HACD3: variants seen among roughly 807,000 people sequenced by gnomAD.
HACD3 encodes the protein very-long-chain (3R)-3-hydroxyacyl-CoA dehydratase 3.
HACD3 carries 30 observed loss-of-function variants against 55.2 expected under a neutral mutation model. The observed-to-expected ratio is 0.54, with a 90% CI of 0.41 to 0.74. The LOEUF is 0.74. Among genes scored for constraint, HACD3 ranks in the 30% least tolerant of loss-of-function variants. HACD3 has a pLI of 0.00. For synonymous variants in HACD3, 141 were observed against 151.7 expected (o/e 0.93, Z 0.52); for missense variants, 363 against 440.1 (o/e 0.82, Z 1.57).
At chr15:65,530,868 C>G in intron 1 of HACD3, 150 bp downstream of exon 1, 1 of 727,224 alleles carries the variant, frequency 1.4e-6, no homozygotes, top group Non-Finnish European at 2.1e-6. Flanking sequence ...CGTGCTGGCG[C>G]TTTTCGAGGC....
chr15:65,555,801 G>T (rs1040360349), intron 3 of HACD3, among the ~76,000 whole-genome samples: 1 of 152,150 alleles, frequency 6.6e-6, no homozygotes, highest in Non-Finnish European at 1.5e-5. Context: ...CTTGATGCAG[G>T]TGTTTCTAAA....
intron 1 of HACD3, among the ~76,000 whole-genome samples, chr15:65,542,359 G>T (rs1246949764): frequency 2.0e-5 from 3 of 151,948 alleles, no homozygotes; most frequent in Non-Finnish European, 4.4e-5. Context: ...CACCTCTCAG[G>T]CCCAAGTGAA....
At chr15:65,567,636 A>G (rs1178392995) in intron 7 of HACD3, among the ~76,000 whole-genome samples, 2 of 152,258 alleles carry the variant, frequency 1.3e-5, no homozygotes, top group Non-Finnish European at 2.9e-5. Flanking sequence ...AAAATGTGCA[A>G]GCAACCCAAG....
Position 65,537,949 on chromosome 15 carries a change from AAAAAAAAAAATATATATATATATATATAT to A in HACD3, c.87+7233_87+7261del, listed in dbSNP as rs1174920917. Among the ~76,000 whole-genome samples the A allele has an allele frequency of 2.2e-3, 128 of 57,056 alleles. 5 individuals are homozygous for A. The highest frequency in any genetic ancestry group is 6.9e-3 in the African/African-American group (92 of 13,394). The allele number at this position is 57,056 out of a possible 152,430, so 37.4% of individuals were successfully genotyped here. The stretch of plus-strand genomic sequence containing the variant: ...CAACTTCTCAGAAAAAAAAAAAAAA[AAAAAAAAAAATATATATATATATATATAT>A]ATATATATATATATATATATATGTA... On this transcript the variant is annotated intron_variant, in intron 1 of 10. Coordinates refer to ENST00000261875, the MANE Select transcript of HACD3 (RefSeq NM_016395.4).
At chr15:65,559,402 T>A (rs1317264609) in intron 5 of HACD3, among the ~76,000 whole-genome samples, 3 of 151,818 alleles carry the variant, frequency 2.0e-5, no homozygotes, top group African/African-American at 7.3e-5. Context: ...ACTGCAGGTG[T>A]ATGTAAAACT....
chr15:65,536,612 C>T (rs2071957737), intron 1 of HACD3, among the ~76,000 whole-genome samples: 1 of 152,054 alleles, frequency 6.6e-6, no homozygotes, highest in Non-Finnish European at 1.5e-5. Context: ...CAAAAATTAG[C>T]TAGGTGTGGT....
chr15:65,533,758 A>AG (rs2071926557), intron 1 of HACD3, among the ~76,000 whole-genome samples: 2 of 149,690 alleles, frequency 1.3e-5, no homozygotes, highest in African/African-American at 2.4e-5. Context: ...AAAAAAAAAA[A>AG]GAAAGAAAAG....
Position 65,562,863 on chromosome 15 carries a change from C to T in HACD3, c.511C>T (p.Arg171Ter), listed in dbSNP as rs762177740. 4 of 1,613,702 alleles carry T rather than the reference C, an allele frequency of 2.5e-6. No homozygotes were observed. Among genetic ancestry groups the T allele is most frequent in the South Asian group, 1.1e-5 (1 of 91,042 alleles). The change falls in exon 6 of 11, where the codon CGA becomes TGA. Residue 171 changes from arginine (R) to a stop codon, truncating the protein, a stop_gained. Coordinates refer to ENST00000261875, the MANE Select transcript of HACD3 (RefSeq NM_016395.4). LOFTEE classifies it high-confidence loss of function. ...FSWIFVNLTVRFCILGKESFY... is the reference protein window; with the variant it reads ...FSWIFVNLTV ...CTGGATCTTTGTCAACCTGACTGTGCGATTCTGTATCTTGGGAAAAGGCAA... is the reference window on the plus strand; with the variant it reads ...CTGGATCTTTGTCAACCTGACTGTGTGATTCTGTATCTTGGGAAAAGGCAA...
intron 2 of HACD3, chr15:65,553,090 G>C (rs1056224052): frequency 5.3e-5 from 8 of 152,036 alleles, no homozygotes; most frequent in Non-Finnish European, 1.2e-4. Context: ...TAAAAATATG[G>C]AACGCTTCAC....
intron 2 of HACD3, among the ~76,000 whole-genome samples, chr15:65,552,925 G>A (rs1276033981): frequency 6.7e-6 from 1 of 148,194 alleles, no homozygotes; most frequent in East Asian, 2.0e-4. Context: ...TCCCACCTAT[G>A]AGTGAGAATA....
chr15:65,557,252 G>A lies in HACD3; in HGVS notation c.369+349G>A, dbSNP rs184076345. Among the ~76,000 whole-genome samples, 121 of 152,286 alleles carry A rather than the reference G, an allele frequency of 7.9e-4. 1 individual carries two copies. The highest frequency in any genetic ancestry group is 1.3e-3 in the Non-Finnish European group (87 of 68,020). ...GCACTTTGGGAGGCCAAGGTGCGTGGATCACGAGGTCAGGAGATAGAGACC... is the reference window on the plus strand; with the variant it reads ...GCACTTTGGGAGGCCAAGGTGCGTGAATCACGAGGTCAGGAGATAGAGACC... On this transcript the variant is annotated intron_variant, in intron 4 of 10. Coordinates refer to ENST00000261875, the MANE Select transcript of HACD3 (RefSeq NM_016395.4).
rs2072407156 is a variant in HACD3 at position 65,576,889 on chromosome 15, T to C, written c.*510T>C. On this transcript the variant is annotated 3_prime_UTR_variant, in exon 11 of 11. Coordinates refer to ENST00000261875, the MANE Select transcript of HACD3 (RefSeq NM_016395.4). ...TTGACTTTTTGAAAATCAAGTGGAC[T>C]GAGTCATTGATAAAACATTTCTAAG... The C allele has an allele frequency of 6.5e-6, 1 of 154,226 alleles. No individual in the cohort carries two copies. The highest frequency in any genetic ancestry group is 1.4e-5 in the Non-Finnish European group (1 of 69,436). 9.6% of individuals were successfully genotyped at this position (154,226 alleles called of 1,614,324 possible). A position where few individuals can be genotyped will look rare whatever the true frequency, so the allele number is the denominator to read the frequency against.
chr15:65,555,777 A>C (rs2072183040), intron 3 of HACD3, among the ~76,000 whole-genome samples: 1 of 152,180 alleles, frequency 6.6e-6, no homozygotes, highest in Non-Finnish European at 1.5e-5. Context: ...TAACTGATCC[A>C]ATACAGTTCT....
rs181795203 is a variant in HACD3, at chr15:65,571,420, C to T, written c.774-128C>T. On this transcript the variant is annotated intron_variant, in intron 8 of 10. Transcript: ENST00000261875. ...CAGGAGTTTATGGGTTGATAGCCAG[C>T]GTTATAATTCTGTTCTGAAGAAGCC... 2.7e-4 allele frequency: 173 copies of T among 649,532 alleles called. 1 individual carries two copies. In the East Asian group the frequency reaches 4.6e-3, roughly 17 times the overall value. The allele number at this position is 649,532 out of a possible 1,614,324, so 40.2% of individuals were successfully genotyped here.
intron 10 of HACD3, among the ~76,000 whole-genome samples, chr15:65,575,761 G>C (rs1167502814): frequency 6.6e-6 from 1 of 152,148 alleles, no homozygotes; most frequent in Non-Finnish European, 1.5e-5. Flanking sequence ...TTAATCTTTT[G>C]CGTGTTTGAA....
rs755778804 is a variant in HACD3, at chr15:65,554,920, A to T, written c.164A>T (p.Tyr55Phe). 1 of 1,612,628 alleles carries T rather than the reference A, an allele frequency of 6.2e-7. No homozygotes were observed. Among genetic ancestry groups the T allele is most frequent in the Non-Finnish European group, 8.5e-7 (1 of 1,178,650 alleles). Residue 55 changes from tyrosine (Y) to phenylalanine (F), a missense_variant, in exon 3 of 11, where the codon TAT (tyrosine) becomes TTT (phenylalanine). By Grantham distance (22) the Tyr-to-Phe change is conservative (BLOSUM62 3). Coordinates refer to ENST00000261875, the MANE Select transcript of HACD3 (RefSeq NM_016395.4). Reference sequence around the variant, plus strand: ...CATGGTGCCAAAGGAGACAATGTCTATGAATTTCACCTGGAGTTCTTAGAC... The same window carrying T: ...CATGGTGCCAAAGGAGACAATGTCTTTGAATTTCACCTGGAGTTCTTAGAC... ...QGHGAKGDNV[Y>F]EFHLEFLDLV...
chr15:65,571,342 A>C (rs559958852), intron 8 of HACD3, among the ~76,000 whole-genome samples: 1 of 152,334 alleles, frequency 6.6e-6, no homozygotes, highest in African/African-American at 2.4e-5. Context: ...ACCTAAACTT[A>C]GTCTGCCATT....
Position 65,530,553 on chromosome 15 carries a change from C to G in HACD3, c.-79C>G. ...AGCGCTAGGGTTTGAGGCCTGCTTTCTGCTCGCGCCAGCAGAGCACTACCT... is the reference window on the plus strand; with the variant it reads ...AGCGCTAGGGTTTGAGGCCTGCTTTGTGCTCGCGCCAGCAGAGCACTACCT... On this transcript the variant is annotated 5_prime_UTR_variant, in exon 1 of 11. Transcript: ENST00000261875. 1.5e-6 allele frequency: 2 copies of G among 1,343,828 alleles called. No individual in the cohort carries two copies. The highest frequency in any genetic ancestry group is 1.0e-6 in the Non-Finnish European group (1 of 976,492). The allele number at this position is 1,343,828 out of a possible 1,614,324, so 83.2% of individuals were successfully genotyped here. A position where few individuals can be genotyped will look rare whatever the true frequency, so the allele number is the denominator to read the frequency against.
intron 1 of HACD3, 23 bp downstream of exon 1, chr15:65,530,741 G>A: frequency 1.3e-6 from 2 of 1,530,534 alleles, no homozygotes; most frequent in Non-Finnish European, 1.8e-6. Context: ...TCGGGCGGCG[G>A]GAAGCGCGCG....
Sources: allele counts gnomAD v4.1 joint callset (sites outside exome capture counted in the v4.1 genomes callset), GRCh38; gene constraint gnomAD v4.1.1; transcripts MANE v1.5; gene names NCBI Gene and HGNC (gene_info 2026-07-23, HGNC 2026-07-21).